The following ATP1B3 variants were observed in gnomAD, a reference collection of about 807,000 sequenced individuals.
ATP1B3 encodes the protein sodium/potassium-transporting ATPase subunit beta-3.
ATP1B3 carries 10 observed loss-of-function variants against 30.2 expected under a neutral mutation model. That is an observed-to-expected ratio of 0.33 (90% confidence interval 0.20 to 0.56). The LOEUF is 0.56. ATP1B3 is among the 20% of genes least tolerant of loss of function. ATP1B3 has a pLI of 0.90. For missense variants in ATP1B3, 238 were observed against 336.7 expected, an observed-to-expected ratio of 0.71 and a Z score of 2.29; for synonymous variants, 113 against 117.0, an observed-to-expected ratio of 0.97 and a Z score of 0.22.
intron 1 of ATP1B3, among the ~76,000 whole-genome samples, chr3:141,881,204 CAA>C (rs112675926): frequency 1.8e-4 from 21 of 117,144 alleles, no homozygotes; most frequent in Non-Finnish European, 9.2e-5. Context: ...ACTCCACCTC[CAA>C]AAAAAAAAAA....
chr3:141,914,277 A>G (rs1446577687), intron 4 of ATP1B3, among the ~76,000 whole-genome samples: 1 of 152,240 alleles, frequency 6.6e-6, no homozygotes, highest in African/African-American at 2.4e-5. Context: ...AGCAAAGCAT[A>G]GTTTTATAGT....
intron 5 of ATP1B3, chr3:141,916,307 A>T: frequency 6.2e-6 from 3 of 486,320 alleles, no homozygotes; most frequent in Middle Eastern, 3.1e-4. Context: ...GTAACACTGA[A>T]ATTGGGATTA....
At chr3:141,918,631 G>T (rs1344232434) in intron 5 of ATP1B3, 1 of 152,092 alleles carries the variant, frequency 6.6e-6, no homozygotes, top group African/African-American at 2.4e-5. Context: ...TAGAGATGGG[G>T]TTTTACCATG....
chr3:141,921,928 C>A, intron 5 of ATP1B3, 49 bp from the exon 6 acceptor site: 1 of 1,069,796 alleles, frequency 9.3e-7, no homozygotes, highest in Non-Finnish European at 1.3e-6. Context: ...ATAGTTTTTA[C>A]AAATTCTTTT....
At chr3:141,890,089 T>C (rs1446154304) in intron 1 of ATP1B3, among the ~76,000 whole-genome samples, 2 of 86,642 alleles carry the variant, frequency 2.3e-5, no homozygotes, top group Admixed American at 2.1e-4. Flanking sequence ...TTTTTTTCTT[T>C]TTTTTTTTTT....
intron 1 of ATP1B3, among the ~76,000 whole-genome samples, chr3:141,879,931 A>T (rs1405139920): frequency 6.8e-6 from 1 of 147,524 alleles, no homozygotes; most frequent in Non-Finnish European, 1.5e-5. Context: ...GGAGAAAAAG[A>T]TTATGTATTT....
intron 1 of ATP1B3, among the ~76,000 whole-genome samples, chr3:141,883,296 T>C (rs1933766982): frequency 6.6e-6 from 1 of 152,166 alleles, no homozygotes; most frequent in African/African-American, 2.4e-5. Context: ...GAAATCAGCC[T>C]GGGCAACATG....
At chr3:141,895,112 A>T (rs2107768917) in intron 1 of ATP1B3, among the ~76,000 whole-genome samples, 1 of 146,994 alleles carries the variant, frequency 6.8e-6, no homozygotes, top group African/African-American at 2.5e-5. Flanking sequence ...ATCATGCTTT[A>T]TGTTTTTTTT....
At chr3:141,881,322 T>C (rs1933722323) in intron 1 of ATP1B3, among the ~76,000 whole-genome samples, 1 of 152,198 alleles carries the variant, frequency 6.6e-6, no homozygotes, top group East Asian at 1.9e-4. Context: ...TGTCAGTAAA[T>C]GCTTTGTATT....
intron 2 of ATP1B3, 66 bp from the exon 3 acceptor site, chr3:141,907,101 T>C: frequency 7.9e-7 from 1 of 1,260,454 alleles, no homozygotes; most frequent in South Asian, 1.5e-5. Context: ...ATCTGCTTTT[T>C]AGAGATAAGA....
intron 1 of ATP1B3, among the ~76,000 whole-genome samples, chr3:141,892,133 A>G (rs984714828): frequency 3.9e-5 from 6 of 152,048 alleles, no homozygotes; most frequent in Admixed American, 2.6e-4. Flanking sequence ...ATTGTGGTGA[A>G]TTTTATAACT....
chr3:141,879,888 G>A (rs968921111), intron 1 of ATP1B3, among the ~76,000 whole-genome samples: 1 of 43,082 alleles, frequency 2.3e-5, no homozygotes, highest in Non-Finnish European at 4.6e-5. Flanking sequence ...TTGTCTTTTT[G>A]ACTTTTTTTA....
Position 141,898,108 on chromosome 3 carries a change from A to G in ATP1B3, c.110-5512A>G, listed in dbSNP as rs113629361. 3.2e-3 allele frequency among the ~76,000 whole-genome samples: 481 copies of G among 152,340 alleles called. 3 individuals carry two copies. Among genetic ancestry groups the G allele is most frequent in the African/African-American group, 0.011 (468 of 41,566 alleles). Reference sequence around the variant, plus strand: ...TCAAACCATATACAAAAATTAACTCAAAATGGATCAAAGACCCAAACTTAA... The same window carrying G: ...TCAAACCATATACAAAAATTAACTCGAAATGGATCAAAGACCCAAACTTAA... On this transcript the variant is annotated intron_variant, in intron 1 of 6. Transcript: ENST00000286371.
chr3:141,922,956 A>C (rs1052836265), intron 6 of ATP1B3, among the ~76,000 whole-genome samples: 25 of 150,636 alleles, frequency 1.7e-4, no homozygotes, highest in African/African-American at 5.9e-4. Context: ...ACAGAGCGAG[A>C]CTCTGTCTCA....
At chr3:141,919,885 GC>G (rs1576401289) in intron 5 of ATP1B3, among the ~76,000 whole-genome samples, 2 of 152,168 alleles carry the variant, frequency 1.3e-5, no homozygotes, top group Admixed American at 6.5e-5. Flanking sequence ...GTTGTAGTGA[GC>G]CATGATCGCG....
Position 141,915,831 on chromosome 3 carries a change from A to G in ATP1B3, c.532-139A>G, listed in dbSNP as rs946763068. On this transcript the variant is annotated intron_variant, in intron 4 of 6. Coordinates refer to ENST00000286371, the MANE Select transcript of ATP1B3 (RefSeq NM_001679.4). Reference sequence around the variant, plus strand: ...AAAGTTCATTTTAATACCCTCAAATAAGATTAAAGTAAAAGGCAGATGTAT... The same window carrying G: ...AAAGTTCATTTTAATACCCTCAAATGAGATTAAAGTAAAAGGCAGATGTAT... 15 of 458,550 alleles carry G rather than the reference A, an allele frequency of 3.3e-5. No individual in the cohort carries two copies. In the South Asian group the frequency reaches 1.0e-3, roughly 31 times the overall value. The allele number at this position is 458,550 out of a possible 1,614,324, so 28.4% of individuals were successfully genotyped here. A position where few individuals can be genotyped will look rare whatever the true frequency, so the allele number is the denominator to read the frequency against.
chr3:141,917,118 G>A (rs1934478642), intron 5 of ATP1B3, among the ~76,000 whole-genome samples: 1 of 151,074 alleles, frequency 6.6e-6, no homozygotes, highest in South Asian at 2.1e-4. Flanking sequence ...CTCTCAAAGT[G>A]CTGGGATTAC....
In ATP1B3 at chr3:141,925,872, A is replaced by T; in HGVS notation, c.*171A>T. 1.3e-6 allele frequency: 1 copy of T among 791,830 alleles called. No homozygotes were observed. Among genetic ancestry groups the T allele is most frequent in the Non-Finnish European group, 1.9e-6 (1 of 521,464 alleles). 49.1% of individuals were successfully genotyped at this position (791,830 alleles called of 1,614,324 possible). A position where few individuals can be genotyped will look rare whatever the true frequency, so the allele number is the denominator to read the frequency against. On this transcript the variant is annotated 3_prime_UTR_variant, in exon 7 of 7. Transcript: ENST00000286371. ...GATCATAGTGTTCAGTGTCCTCTGA[A>T]GTAACTGCCTGTTGCCTCTGCTGCC...
chr3:141,885,917 A>ACACACACC (rs1395137792), intron 1 of ATP1B3, among the ~76,000 whole-genome samples: 2 of 147,210 alleles, frequency 1.4e-5, no homozygotes, highest in Non-Finnish European at 3.0e-5. Context: ...ACACACACAC[A>ACACACACC]CACACACCCC....
Sources: allele counts gnomAD v4.1 joint callset (sites outside exome capture counted in the v4.1 genomes callset), GRCh38; gene constraint gnomAD v4.1.1; transcripts MANE v1.5; gene names NCBI Gene and HGNC (gene_info 2026-07-23, HGNC 2026-07-21).